The following CADPS variants were observed in gnomAD, a reference collection of about 807,000 sequenced individuals.
CADPS encodes the protein calcium-dependent secretion activator 1.
In CADPS, 57 loss-of-function variants were observed where a neutral mutation model predicts 167.3. The observed-to-expected ratio is 0.34, with a 90% CI of 0.28 to 0.42. The LOEUF (loss-of-function observed/expected upper bound fraction) is 0.42. Ranked by LOEUF, CADPS falls within the 20% of genes least tolerant of loss-of-function variation. The pLI is 1.00. For synonymous variants in CADPS, 676 were observed against 635.3 expected, an observed-to-expected ratio of 1.06 and a Z score of -0.96; for missense variants, 1,414 against 1,738.1, an observed-to-expected ratio of 0.81 and a Z score of 3.32.
rs560461498 is a variant in CADPS at position 62,867,006 on chromosome 3, G to A, written c.441+7583C>T. Among the ~76,000 whole-genome samples, 94 of 152,008 alleles carry A rather than the reference G, an allele frequency of 6.2e-4. 1 individual carries two copies. The highest frequency in any genetic ancestry group is 4.7e-3 in the Admixed American group (71 of 15,246). The stretch of plus-strand genomic sequence containing the variant: ...GCTATTGCATATTACCTACTTATGC[G>A]AGTCTTACTCTATCTAGATATATAA... On this transcript the variant is annotated intron_variant, in intron 1 of 29. Transcript: ENST00000383710.
intron 28 of CADPS, among the ~76,000 whole-genome samples, chr3:62,422,018 A>C (rs1045931794): frequency 6.6e-6 from 1 of 152,238 alleles, no homozygotes; most frequent in Non-Finnish European, 1.5e-5. Flanking sequence ...TAAATACATA[A>C]TAGCATTTCT....
chr3:62,657,707 G>T (rs747660710), intron 4 of CADPS, among the ~76,000 whole-genome samples: 60 of 152,126 alleles, frequency 3.9e-4, no homozygotes, highest in Non-Finnish European at 7.2e-4. Flanking sequence ...TTGTGCAGCC[G>T]TCTCTGTCTG....
chr3:62,823,854 C>G lies in CADPS; in HGVS notation c.441+50735G>C, dbSNP rs79760698. 5.6e-4 allele frequency among the ~76,000 whole-genome samples: 85 copies of G among 152,272 alleles called. No individual in the cohort carries two copies. The East Asian group carries it at 0.013, about 24-fold the overall frequency. On this transcript the variant is annotated intron_variant, in intron 1 of 29. Transcript: ENST00000383710. Reference sequence around the variant, plus strand: ...TCCTGGGAATAAACTGACTGGGGATCAGAAGTCCTGTCAGTTGCATCTTGC... The same window carrying G: ...TCCTGGGAATAAACTGACTGGGGATGAGAAGTCCTGTCAGTTGCATCTTGC...
At chr3:62,445,712 GAAA>G in intron 27 of CADPS, 50 bp downstream of exon 27, 12 of 875,840 alleles carry the variant, frequency 1.4e-5, no homozygotes, top group South Asian at 9.3e-5. Context: ...AAGTAAAAAT[GAAA>G]AAAAAAAAAA....
chr3:62,562,824 G>A (rs1185413806), intron 9 of CADPS, among the ~76,000 whole-genome samples: 2 of 152,222 alleles, frequency 1.3e-5, no homozygotes, highest in Non-Finnish European at 2.9e-5. Context: ...AATCAACATA[G>A]TATCTCCTTG....
intron 22 of CADPS, among the ~76,000 whole-genome samples, chr3:62,481,050 ATTAT>A (rs370440996): frequency 2.4e-4 from 36 of 152,300 alleles, no homozygotes; most frequent in African/African-American, 7.7e-4. Context: ...CACAAATTTA[ATTAT>A]TTATTGTTTG....
chr3:62,666,756 C>T (rs994301160), intron 3 of CADPS, among the ~76,000 whole-genome samples: 4 of 152,140 alleles, frequency 2.6e-5, no homozygotes, highest in Admixed American at 1.3e-4. Flanking sequence ...TTCAAGTCCA[C>T]CAGAGACAAT....
rs1258110892 is a variant in CADPS at position 62,433,415 on chromosome 3, AG to A, written c.3777+4688del. Among the ~76,000 whole-genome samples the A allele has an allele frequency of 6.6e-6, 1 of 152,160 alleles. No individual in the cohort carries two copies. Among genetic ancestry groups the A allele is most frequent in the Non-Finnish European group, 1.5e-5 (1 of 68,032 alleles). On this transcript the variant is annotated intron_variant, in intron 28 of 29. Transcript: ENST00000383710. The surrounding 1 kb of genome is among the most constrained non-coding windows in gnomAD (Gnocchi z 4.7). Reference sequence around the variant, plus strand: ...CACACTGCTTGATTAAGTTCTTACGAGGTGGTTTGGTAAGAGGCCCTTTCCT... The same window carrying A: ...CACACTGCTTGATTAAGTTCTTACGAGTGGTTTGGTAAGAGGCCCTTTCCT...
chr3:62,737,449 C>G (rs28444548), intron 3 of CADPS, among the ~76,000 whole-genome samples: 23,623 of 150,572 alleles, frequency 0.16, 2,416 homozygotes, highest in African/African-American at 0.3. Flanking sequence ...GCCTGGGCAA[C>G]AGAGTGAGAC....
At position 62,697,813 on chromosome 3, in the gene CADPS, G is replaced by A. The variant is rs547212556; in HGVS notation, c.889-35419C>T. Among the ~76,000 whole-genome samples, 3 of 152,104 alleles carry A rather than the reference G, an allele frequency of 2.0e-5. No individual in the cohort carries two copies. In the South Asian group the frequency reaches 6.3e-4, roughly 32 times the overall value. ...ATGGCCATTCTTGCAGCAATAAGGT[G>A]GTATCACATTGTGGTTTTGATTTGC... On this transcript the variant is annotated intron_variant, in intron 3 of 29. Transcript: ENST00000383710.
At chr3:62,842,150 A>T (rs761193860) in intron 1 of CADPS, among the ~76,000 whole-genome samples, 4 of 152,250 alleles carry the variant, frequency 2.6e-5, no homozygotes, top group Non-Finnish European at 5.9e-5. Flanking sequence ...AAGAGGGTAG[A>T]GTGCTCATGT....
chr3:62,541,244 G>C (rs968250169), intron 11 of CADPS, among the ~76,000 whole-genome samples: 4 of 152,082 alleles, frequency 2.6e-5, no homozygotes, highest in Non-Finnish European at 5.9e-5. Context: ...GTCCTGCTTG[G>C]TCTTCAAGGG....
chr3:62,566,517 T>A (rs1342370286), intron 9 of CADPS, among the ~76,000 whole-genome samples: 2 of 152,212 alleles, frequency 1.3e-5, no homozygotes, highest in African/African-American at 2.4e-5. Context: ...ATTGGGGTTG[T>A]TTCAAAGGGA....
At chr3:62,727,850 T>C (rs576596398) in intron 3 of CADPS, among the ~76,000 whole-genome samples, 1 of 151,896 alleles carries the variant, frequency 6.6e-6, no homozygotes, top group South Asian at 2.1e-4. Flanking sequence ...ATACCCAGAG[T>C]GACACTAAAA....
chr3:62,826,730 G>C (rs2074113779), intron 1 of CADPS, among the ~76,000 whole-genome samples: 1 of 152,066 alleles, frequency 6.6e-6, no homozygotes, highest in South Asian at 2.1e-4. Context: ...TACAGTTTAA[G>C]TGACACTCTG....
chr3:62,661,505 GA>G (rs1307410014), intron 4 of CADPS, among the ~76,000 whole-genome samples: 4 of 152,156 alleles, frequency 2.6e-5, no homozygotes, highest in Non-Finnish European at 5.9e-5. Context: ...GTTCCGGTGG[GA>G]AAGTTGTGCA....
chr3:62,509,852 A>T (rs1175766836), intron 17 of CADPS, among the ~76,000 whole-genome samples: 1 of 152,180 alleles, frequency 6.6e-6, no homozygotes, highest in Non-Finnish European at 1.5e-5. Flanking sequence ...TCAGGCAAAA[A>T]GTCTACATGG....
At chr3:62,487,084 C>A (rs1475836381) in intron 21 of CADPS, among the ~76,000 whole-genome samples, 4 of 152,188 alleles carry the variant, frequency 2.6e-5, no homozygotes, top group Non-Finnish European at 5.9e-5. Context: ...GGTTTCTGAA[C>A]CCCACCTCCA....
intron 28 of CADPS, among the ~76,000 whole-genome samples, chr3:62,418,530 G>A (rs1196102299): frequency 7.3e-6 from 1 of 137,854 alleles, no homozygotes; most frequent in Admixed American, 7.7e-5. Context: ...TTGTAGAGAT[G>A]GGATTTCGCC....
Sources: allele counts gnomAD v4.1 joint callset (sites outside exome capture counted in the v4.1 genomes callset), GRCh38; gene constraint gnomAD v4.1.1; non-coding constraint Gnocchi (gnomAD v3.1); transcripts MANE v1.5; gene names NCBI Gene and HGNC (gene_info 2026-07-23, HGNC 2026-07-21).